DYNC2H1: variants seen among roughly 807,000 people sequenced by gnomAD.
The protein encoded by DYNC2H1 is dynein cytoplasmic 2 heavy chain 1, also known as cytoplasmic dynein 2 heavy chain 1.
In DYNC2H1, 410 loss-of-function variants were observed where a neutral mutation model predicts 570.0. That is an observed-to-expected ratio of 0.72 (90% CI 0.66 to 0.78). DYNC2H1 has a LOEUF of 0.78. Among genes scored for constraint, DYNC2H1 ranks in the 30% least tolerant of loss-of-function variants. The probability of loss-of-function intolerance (pLI) is 0.00; values close to 1 mark genes in which losing one functional copy is unlikely to be tolerated. For synonymous variants in DYNC2H1, 1,688 were observed against 1,677.6 expected (o/e 1.01, Z -0.15); for missense variants, 4,865 against 5,046.4 (o/e 0.96, Z 1.09).
In DYNC2H1 at chr11:103,239,129, A is replaced by G. The variant is rs1296751660; in HGVS notation, c.9819+2590A>G. ...GACTAATTAAAATATCAGATTTTAT[A>G]TGGGTTTTTCTTGTGATGACATCTA... On this transcript the variant is annotated intron_variant, in intron 63 of 88. Transcript: ENST00000375735. This position sits in a 1 kb window ranked among gnomAD's most constrained non-coding sequence, Gnocchi z 4.3. 2.6e-5 allele frequency among the ~76,000 whole-genome samples: 4 copies of G among 152,150 alleles called. No homozygotes were observed. The highest frequency in any genetic ancestry group is 4.8e-5 in the African/African-American group (2 of 41,436).
At chr11:103,248,318 G>A (rs1201833264) in intron 65 of DYNC2H1, among the ~76,000 whole-genome samples, 1 of 151,948 alleles carries the variant, frequency 6.6e-6, no homozygotes, top group Admixed American at 6.6e-5. Context: ...TAATGGAATG[G>A]AATTTGGACC....
chr11:103,278,367 T>C (rs1865992269), intron 70 of DYNC2H1, among the ~76,000 whole-genome samples: 1 of 152,178 alleles, frequency 6.6e-6, no homozygotes, highest in African/African-American at 2.4e-5. Flanking sequence ...TGCTAAGTGC[T>C]TCAGATACAT....
chr11:103,431,214 T>TAA (rs1434874239), intron 84 of DYNC2H1, among the ~76,000 whole-genome samples: 8 of 78,880 alleles, frequency 1.0e-4, no homozygotes, highest in African/African-American at 3.1e-4. Flanking sequence ...ATCATTTAGT[T>TAA]TAAAAAAAAA....
At chr11:103,160,791 C>T in intron 28 of DYNC2H1, 141 bp from the exon 29 acceptor site, 1 of 408,640 alleles carries the variant, frequency 2.4e-6, no homozygotes, top group Non-Finnish European at 4.4e-6. Flanking sequence ...ACACTAGGAG[C>T]ACTATATATT....
intron 59 of DYNC2H1, among the ~76,000 whole-genome samples, chr11:103,230,768 G>C (rs1863974894): frequency 6.6e-6 from 1 of 152,100 alleles, no homozygotes; most frequent in Admixed American, 6.6e-5. Context: ...GGTGCAGGAT[G>C]CTGAGGTGGG....
chr11:103,356,996 T>G (rs1940377569), intron 82 of DYNC2H1, among the ~76,000 whole-genome samples: 1 of 152,118 alleles, frequency 6.6e-6, no homozygotes, highest in Admixed American at 6.5e-5. Flanking sequence ...GGAAGATATA[T>G]CTGGTTTTTT....
chr11:103,296,956 G>A (rs1357283835), intron 75 of DYNC2H1, among the ~76,000 whole-genome samples: 2 of 150,990 alleles, frequency 1.3e-5, no homozygotes, highest in Non-Finnish European at 3.0e-5. Context: ...TCCTTTACTG[G>A]CTTCTTGTCT....
intron 79 of DYNC2H1, among the ~76,000 whole-genome samples, chr11:103,316,092 TTTTA>T (rs1937821145): frequency 1.3e-5 from 2 of 152,164 alleles, no homozygotes; most frequent in Admixed American, 6.5e-5. Context: ...AGTTATATAA[TTTTA>T]TTTAGTTCTG....
chr11:103,470,870 A>C (rs1000479919), intron 88 of DYNC2H1, among the ~76,000 whole-genome samples: 3 of 152,236 alleles, frequency 2.0e-5, no homozygotes, highest in Non-Finnish European at 4.4e-5. Context: ...GTGCCGCTAT[A>C]AACATACGTG....
chr11:103,430,231 A>G (rs1404572466), intron 84 of DYNC2H1, among the ~76,000 whole-genome samples: 2 of 152,162 alleles, frequency 1.3e-5, no homozygotes, highest in African/African-American at 2.4e-5. Flanking sequence ...AACATCCACA[A>G]TTGTACTAGA....
At chr11:103,411,419 TATATC>T (rs1168611557) in intron 84 of DYNC2H1, among the ~76,000 whole-genome samples, 4 of 152,078 alleles carry the variant, frequency 2.6e-5, no homozygotes, top group African/African-American at 9.6e-5. Flanking sequence ...TTAGGAAAAT[TATATC>T]AATCGAGGGG....
chr11:103,195,622 GTTTC>G (rs1010630742), intron 47 of DYNC2H1, among the ~76,000 whole-genome samples: 14 of 152,208 alleles, frequency 9.2e-5, no homozygotes, highest in Non-Finnish European at 1.9e-4. Flanking sequence ...AGCTATTTCT[GTTTC>G]TTTGTCTTTT....
chr11:103,138,891 G>T (rs1304953681), intron 17 of DYNC2H1, among the ~76,000 whole-genome samples: 47 of 151,992 alleles, frequency 3.1e-4, no homozygotes, highest in Admixed American at 1.2e-3. Context: ...CAATTTCAGA[G>T]CCTGTTATTG....
In DYNC2H1 at chr11:103,220,566, T is replaced by A. The variant is rs191411646; in HGVS notation, c.8947-57T>A. The A allele has an allele frequency of 4.9e-5, 72 of 1,479,252 alleles. No homozygotes were observed. In the African/African-American group the frequency reaches 9.2e-4, roughly 19 times the overall value. The allele number at this position is 1,479,252 out of a possible 1,614,324, so 91.6% of individuals were successfully genotyped here. ...ACAATAAAACATAATTTTTCAAGAG[T>A]TAATGATTTAAAGAAATATATAATT... On this transcript the variant is annotated intron_variant, in intron 56 of 88. Coordinates refer to ENST00000375735, the MANE Select transcript of DYNC2H1 (RefSeq NM_001377.3).
intron 75 of DYNC2H1, among the ~76,000 whole-genome samples, chr11:103,296,406 C>A (rs1866827165): frequency 6.6e-6 from 1 of 152,060 alleles, no homozygotes; most frequent in Non-Finnish European, 1.5e-5. Flanking sequence ...AACATGTTCC[C>A]AAATTTGGAT....
At chr11:103,172,462 C>T (rs891793954) in intron 34 of DYNC2H1, among the ~76,000 whole-genome samples, 11 of 152,032 alleles carry the variant, frequency 7.2e-5, no homozygotes, top group African/African-American at 2.7e-4. Context: ...TTTCTTCTTT[C>T]TCTTTTCTTT....
chr11:103,454,335 A>G (rs1944715364), intron 85 of DYNC2H1, among the ~76,000 whole-genome samples: 1 of 152,196 alleles, frequency 6.6e-6, no homozygotes, highest in Admixed American at 6.5e-5. Flanking sequence ...CACCAGCTGA[A>G]CTAATAGCTT....
At chr11:103,318,823 AAAAAT>A (rs1269678219) in intron 80 of DYNC2H1, among the ~76,000 whole-genome samples, 2 of 152,138 alleles carry the variant, frequency 1.3e-5, no homozygotes, top group South Asian at 2.1e-4. Flanking sequence ...GCCCAAAATA[AAAAAT>A]AAAATAAGAA....
At chr11:103,448,841 G>A (rs919090541) in intron 85 of DYNC2H1, among the ~76,000 whole-genome samples, 2 of 152,172 alleles carry the variant, frequency 1.3e-5, no homozygotes, top group Admixed American at 1.3e-4. Context: ...GCAACACAAT[G>A]AAGTCATTAC....
Sources: gnomAD v4.1 joint callset for allele counts (sites outside exome capture counted in the v4.1 genomes callset) on GRCh38, gnomAD v4.1.1 for gene constraint, Gnocchi (gnomAD v3.1) non-coding constraint, MANE v1.5 for transcripts, NCBI Gene and HGNC (gene_info 2026-07-23, HGNC 2026-07-21) for gene names.